SOX6: variants seen among roughly 807,000 people sequenced by gnomAD.
SOX6 encodes the protein transcription factor SOX-6.
In SOX6, 11 loss-of-function variants were observed where a neutral mutation model predicts 97.8. The ratio of observed to expected loss-of-function variants is 0.11; its 90% CI spans 0.07 to 0.19. The LOEUF (loss-of-function observed/expected upper bound fraction) is 0.19, where lower values mean the gene tolerates loss of function less well. SOX6 is among the 10% of genes least tolerant of loss of function. The pLI, the probability that SOX6 is intolerant of heterozygous loss-of-function variation, is 1.00. For missense variants in SOX6, 810 were observed against 1,039.5 expected (o/e 0.78, Z 3.04); for synonymous variants, 360 against 371.4 (o/e 0.97, Z 0.35).
chr11:16,291,588 G>A (rs966482224), intron 3 of SOX6, among the ~76,000 whole-genome samples: 3 of 151,762 alleles, frequency 2.0e-5, no homozygotes, highest in African/African-American at 7.3e-5. Context: ...CCATAATATA[G>A]GACCTACATA....
intron 1 of SOX6, among the ~76,000 whole-genome samples, chr11:16,438,243 T>A (rs2133083118): frequency 6.6e-6 from 1 of 152,216 alleles, no homozygotes; most frequent in African/African-American, 2.4e-5. Context: ...AAGTAAAGAG[T>A]ATATAGAAAT....
At chr11:16,291,916 T>C (rs1400575962) in intron 3 of SOX6, among the ~76,000 whole-genome samples, 1 of 152,134 alleles carries the variant, frequency 6.6e-6, no homozygotes, top group Non-Finnish European at 1.5e-5. Context: ...GGGATGTTTC[T>C]TTACCACATG....
intron 3 of SOX6, among the ~76,000 whole-genome samples, chr11:16,255,174 C>T (rs535871418): frequency 2.3e-4 from 35 of 152,126 alleles, no homozygotes; most frequent in African/African-American, 8.2e-4. Context: ...AAGATTTTAA[C>T]ACCCCTCTAT....
chr11:16,692,999 G>A (rs777753772), intron 3 of SOX6, among the ~76,000 whole-genome samples: 2 of 152,094 alleles, frequency 1.3e-5, no homozygotes, highest in Non-Finnish European at 2.9e-5. Context: ...TTCTCTTACT[G>A]TTTGGCATTT....
chr11:16,100,753 T>TA (rs1848923822), intron 7 of SOX6, among the ~76,000 whole-genome samples: 3 of 149,872 alleles, frequency 2.0e-5, no homozygotes, highest in African/African-American at 7.4e-5. Flanking sequence ...AGTCTACCTT[T>TA]TAAAAAAAAA....
At chr11:16,166,118 A>G (rs1443929967) in intron 6 of SOX6, among the ~76,000 whole-genome samples, 2 of 152,114 alleles carry the variant, frequency 1.3e-5, no homozygotes, top group African/African-American at 4.8e-5. Flanking sequence ...CTTTCTAGGC[A>G]TTTTAATTAA....
intron 15 of SOX6, among the ~76,000 whole-genome samples, chr11:15,976,414 A>C (rs1336871210): frequency 6.6e-6 from 1 of 152,188 alleles, no homozygotes; most frequent in African/African-American, 2.4e-5. Flanking sequence ...AAGATTAAGT[A>C]AGAACATATA....
chr11:16,428,206 A>T (rs1859192525), intron 1 of SOX6, among the ~76,000 whole-genome samples: 1 of 151,640 alleles, frequency 6.6e-6, no homozygotes, highest in Non-Finnish European at 1.5e-5. Flanking sequence ...GTTTGAGTTC[A>T]TTGTAGATTC....
chr11:16,401,560 T>C (rs1362624820), intron 1 of SOX6, among the ~76,000 whole-genome samples: 1 of 151,588 alleles, frequency 6.6e-6, no homozygotes, highest in African/African-American at 2.4e-5. Flanking sequence ...GGCAGTGGTC[T>C]ACCTCTAATT....
chr11:16,679,196 C>T (rs1212996463), intron 3 of SOX6, among the ~76,000 whole-genome samples: 1 of 152,190 alleles, frequency 6.6e-6, no homozygotes, highest in Non-Finnish European at 1.5e-5. Flanking sequence ...GACTGGGAGA[C>T]ATCTCCCAGT....
chr11:16,496,459 C>T (rs139683769), intron 4 of SOX6, among the ~76,000 whole-genome samples: 82 of 152,232 alleles, frequency 5.4e-4, no homozygotes, highest in Non-Finnish European at 8.5e-4. Flanking sequence ...TGGGGAGTTT[C>T]GGAAAGTGGG....
At chr11:16,268,254 C>G (rs1854140809) in intron 3 of SOX6, among the ~76,000 whole-genome samples, 1 of 150,978 alleles carries the variant, frequency 6.6e-6, no homozygotes, top group South Asian at 2.1e-4. Context: ...TTTAATCACT[C>G]CACATCATTT....
intron 1 of SOX6, among the ~76,000 whole-genome samples, chr11:16,384,767 G>GA (rs924424745): frequency 3.3e-5 from 5 of 151,808 alleles, no homozygotes; most frequent in African/African-American, 1.2e-4. Context: ...TGAACAACGG[G>GA]AAAAAAAGAA....
At chr11:16,104,609 A>G (rs961057744) in intron 7 of SOX6, among the ~76,000 whole-genome samples, 2 of 151,930 alleles carry the variant, frequency 1.3e-5, no homozygotes, top group Non-Finnish European at 2.9e-5. Flanking sequence ...ACACACACAC[A>G]CATACACAGG....
At chr11:16,106,004 A>G (rs1849071653) in intron 7 of SOX6, among the ~76,000 whole-genome samples, 1 of 152,176 alleles carries the variant, frequency 6.6e-6, no homozygotes, top group South Asian at 2.1e-4. Flanking sequence ...CAAGGAGATG[A>G]AAGACTTGTA....
At chr11:16,027,898 G>A (rs1365904267) in intron 12 of SOX6, among the ~76,000 whole-genome samples, 1 of 152,202 alleles carries the variant, frequency 6.6e-6, no homozygotes, top group African/African-American at 2.4e-5. Flanking sequence ...CAGCTACAGT[G>A]TATCTGCTAT....
chr11:16,245,365 G>T (rs1342121606), intron 3 of SOX6, among the ~76,000 whole-genome samples: 1 of 151,568 alleles, frequency 6.6e-6, no homozygotes, highest in Non-Finnish European at 1.5e-5. Context: ...TTATCTTGGG[G>T]ATGTTCCTTA....
chr11:16,327,025 G>A (rs898006600), intron 2 of SOX6, among the ~76,000 whole-genome samples: 2 of 152,082 alleles, frequency 1.3e-5, no homozygotes, highest in African/African-American at 2.4e-5. Flanking sequence ...TCTTTCTTAC[G>A]TGGTGTCTCA....
chr11:16,600,879 T>A (rs539519340), intron 4 of SOX6, among the ~76,000 whole-genome samples: 1 of 152,350 alleles, frequency 6.6e-6, no homozygotes, highest in South Asian at 2.1e-4. Flanking sequence ...GCCAAAAGGA[T>A]ATGCTACACA....
Sources: allele counts gnomAD v4.1 joint callset (sites outside exome capture counted in the v4.1 genomes callset), GRCh38; gene constraint gnomAD v4.1.1; transcripts MANE v1.5; gene names NCBI Gene and HGNC (gene_info 2026-07-23, HGNC 2026-07-21).